Variants in PCDHGB1 observed in about 807,000 individuals in gnomAD.
PCDHGB1 encodes protocadherin gamma-B1.
Under a neutral mutation model 56.6 loss-of-function variants are expected in PCDHGB1, and 34 were observed. The observed-to-expected ratio is 0.60, with a 90% CI of 0.46 to 0.80. The LOEUF (loss-of-function observed/expected upper bound fraction) is 0.80. PCDHGB1 is among the 30% of genes least tolerant of loss of function. PCDHGB1 has a pLI of 0.00. For missense variants in PCDHGB1, 1,278 were observed against 1,204.6 expected (o/e 1.06, Z -0.90); for synonymous variants, 561 against 505.9 (o/e 1.11, Z -1.46).
intron 1 of PCDHGB1, among the ~76,000 whole-genome samples, chr5:141,407,809 T>C (rs2094984510): frequency 6.6e-6 from 1 of 152,228 alleles, no homozygotes; most frequent in South Asian, 2.1e-4. Flanking sequence ...TAGAAATATC[T>C]ACTATAATAT....
At chr5:141,386,154 A>T (rs1211383292) in intron 1 of PCDHGB1, among the ~76,000 whole-genome samples, 2 of 152,222 alleles carry the variant, frequency 1.3e-5, no homozygotes, top group Non-Finnish European at 2.9e-5. Context: ...CAACTGTCTC[A>T]CGTACTCAAA....
At position 141,476,359 on chromosome 5, in the gene PCDHGB1, G is replaced by A; in HGVS notation, c.2410-18448G>A. On this transcript the variant is annotated intron_variant, in intron 1 of 3. Coordinates refer to ENST00000523390, the MANE Select transcript of PCDHGB1 (RefSeq NM_018922.3). This position sits in a 1 kb window ranked among gnomAD's most constrained non-coding sequence, Gnocchi z 7.6. ...GCCGAAGATTCTTTGAGGTGAACCG[G>A]GAGACCGGAGAGATGTTTGTGAACG... The A allele has an allele frequency of 6.2e-7, 1 of 1,614,170 alleles. No individual in the cohort carries two copies. The highest frequency in any genetic ancestry group is 8.5e-7 in the Non-Finnish European group (1 of 1,180,020).
In PCDHGB1 at chr5:141,351,535, A is replaced by G. The variant is rs1432313028; in HGVS notation, c.1275A>G (p.Lys425=). 1.9e-6 allele frequency: 3 copies of G among 1,614,032 alleles called. No individual in the cohort carries two copies. The highest frequency in any genetic ancestry group is 3.3e-5 in the Admixed American group (2 of 60,032). ...NVTIIATDKG[K]PALSSRTSIT... ...CAATCATAGCCACCGACAAGGGCAA[A>G]CCAGCCCTTTCCTCCAGGACAAGCA... The change falls in exon 1 of 4, where the codon AAA becomes AAG. Residue 425 remains lysine (K), a synonymous_variant. Transcript: ENST00000523390.
intron 1 of PCDHGB1, among the ~76,000 whole-genome samples, chr5:141,425,778 C>G (rs2096893107): frequency 6.6e-6 from 1 of 152,160 alleles, no homozygotes; most frequent in African/African-American, 2.4e-5. Flanking sequence ...AAGACTTTGC[C>G]TAGTTCTTCC....
chr5:141,375,404 AAT>A, intron 1 of PCDHGB1: 2 of 1,613,912 alleles, frequency 1.2e-6, no homozygotes, highest in Non-Finnish European at 1.7e-6. Context: ...CATCTCTCTA[AAT>A]GTGGCAGACA....
intron 1 of PCDHGB1, chr5:141,364,269 A>G: frequency 6.6e-7 from 1 of 1,512,256 alleles, no homozygotes; most frequent in East Asian, 2.3e-5. Flanking sequence ...CATCGGCTTT[A>G]GATAAATAAG....
intron 1 of PCDHGB1, among the ~76,000 whole-genome samples, chr5:141,380,213 T>C (rs1284651338): frequency 1.3e-5 from 2 of 152,186 alleles, no homozygotes; most frequent in Admixed American, 6.5e-5. Context: ...AAGGCATTCA[T>C]TTCTGATCAG....
rs1057374827 is a variant in PCDHGB1, at chr5:141,485,503, C to G, written c.2410-9304C>G. 3.1e-6 allele frequency: 5 copies of G among 1,613,978 alleles called. No homozygotes were observed. Among genetic ancestry groups the G allele is most frequent in the Non-Finnish European group, 4.2e-6 (5 of 1,180,016 alleles). On this transcript the variant is annotated intron_variant, in intron 1 of 3. Coordinates refer to ENST00000523390, the MANE Select transcript of PCDHGB1 (RefSeq NM_018922.3). This position sits in a 1 kb window ranked among gnomAD's most constrained non-coding sequence, Gnocchi z 5.7. ...GCATCGTGCCCCTGGAGTTTGTCACCGAAGGTCCTTTGGAAATGTACCGAG... is the reference window on the plus strand; with the variant it reads ...GCATCGTGCCCCTGGAGTTTGTCACGGAAGGTCCTTTGGAAATGTACCGAG...
chr5:141,478,445 G>C (rs773567457), intron 1 of PCDHGB1: 1 of 1,613,570 alleles, frequency 6.2e-7, no homozygotes, highest in Non-Finnish European at 8.5e-7. Flanking sequence ...GAAGAAACCT[G>C]GTGCAGCCAG....
At chr5:141,415,055 C>G in intron 1 of PCDHGB1, 2 of 1,613,402 alleles carry the variant, frequency 1.2e-6, no homozygotes, top group East Asian at 2.2e-5. Flanking sequence ...GGGGAGCACA[C>G]GGGCGAGGTG....
chr5:141,371,512 A>C, intron 1 of PCDHGB1: 2 of 1,613,868 alleles, frequency 1.2e-6, no homozygotes, highest in African/African-American at 2.7e-5. Flanking sequence ...AAAACACATG[A>C]TCTAGATTCT....
chr5:141,380,065 A>G (rs569464120), intron 1 of PCDHGB1, among the ~76,000 whole-genome samples: 1 of 151,950 alleles, frequency 6.6e-6, no homozygotes, highest in East Asian at 1.9e-4. Context: ...ATGCCTAGCT[A>G]ATTTTCATAC....
chr5:141,491,126 G>A lies in PCDHGB1; in HGVS notation c.2410-3681G>A, dbSNP rs768294944. 1.4e-5 allele frequency: 23 copies of A among 1,613,978 alleles called. No individual in the cohort carries two copies. In the East Asian group the frequency reaches 3.1e-4, roughly 22 times the overall value. On this transcript the variant is annotated intron_variant, in intron 1 of 3. Transcript: ENST00000523390. This position sits in a 1 kb window ranked among gnomAD's most constrained non-coding sequence, Gnocchi z 6.9. ...GTGTCTACACACACTGGTGAGGTGCGCACAGCCCGGGCCTTACTGGAGGAT... is the reference window on the plus strand; with the variant it reads ...GTGTCTACACACACTGGTGAGGTGCACACAGCCCGGGCCTTACTGGAGGAT...
At chr5:141,418,895 GAA>G (rs746676640) in intron 1 of PCDHGB1, 1 of 1,613,998 alleles carries the variant, frequency 6.2e-7, no homozygotes, top group Admixed American at 1.7e-5. Flanking sequence ...CAACAGCCCA[GAA>G]ATAATCATCA....
In PCDHGB1 at chr5:141,491,409, G is replaced by T; in HGVS notation, c.2410-3398G>T. The T allele has an allele frequency of 6.8e-6, 11 of 1,614,118 alleles. No individual in the cohort carries two copies. Among genetic ancestry groups the T allele is most frequent in the Non-Finnish European group, 9.3e-6 (11 of 1,180,014 alleles). On this transcript the variant is annotated intron_variant, in intron 1 of 3. Coordinates refer to ENST00000523390, the MANE Select transcript of PCDHGB1 (RefSeq NM_018922.3). The surrounding 1 kb of genome is among the most constrained non-coding windows in gnomAD (Gnocchi z 6.9). ...AGTGCCTTCAGGGAAACGCAGACGG[G>T]GACGGGGGTGGAGGGCAGTGCTGCA...
intron 3 of PCDHGB1, among the ~76,000 whole-genome samples, chr5:141,509,092 G>T (rs943269087): frequency 1.3e-5 from 2 of 152,180 alleles, no homozygotes; most frequent in African/African-American, 4.8e-5. Context: ...TGAAATGGGG[G>T]CTGTAGAAAC....
intron 1 of PCDHGB1, chr5:141,392,938 G>T: frequency 6.2e-7 from 1 of 1,613,954 alleles, no homozygotes; most frequent in Non-Finnish European, 8.5e-7. Flanking sequence ...ACGGACAAAG[G>T]CTCCTTCGTG....
Position 141,485,625 on chromosome 5 carries a change from G to T in PCDHGB1, c.2410-9182G>T. 6.2e-7 allele frequency: 1 copy of T among 1,611,968 alleles called. No individual in the cohort carries two copies. On this transcript the variant is annotated intron_variant, in intron 1 of 3. Transcript: ENST00000523390. This position sits in a 1 kb window ranked among gnomAD's most constrained non-coding sequence, Gnocchi z 5.7. ...GGGGAGGCAGCTCCTCCAGGACAGC[G>T]TTTCCCGTTGGAAAAGGCTCAGGAT...
intron 1 of PCDHGB1, chr5:141,392,986 A>G (rs573495684): frequency 1.9e-6 from 3 of 1,613,454 alleles, no homozygotes; most frequent in East Asian, 4.5e-5. Context: ...GACCCCCGGA[A>G]GCTGGCGAAG....
Sources: gnomAD v4.1 joint callset for allele counts (sites outside exome capture counted in the v4.1 genomes callset) on GRCh38, gnomAD v4.1.1 for gene constraint, Gnocchi (gnomAD v3.1) non-coding constraint, MANE v1.5 for transcripts, NCBI Gene and HGNC (gene_info 2026-07-23, HGNC 2026-07-21) for gene names.